RBM27: variants seen among roughly 807,000 people sequenced by gnomAD.
RBM27 encodes the protein RNA-binding protein 27.
RBM27 carries 22 observed loss-of-function variants against 135.3 expected under a neutral mutation model. That is an observed-to-expected ratio of 0.16 (90% CI 0.12 to 0.23). The LOEUF (loss-of-function observed/expected upper bound fraction) is 0.23, where lower values mean the gene tolerates loss of function less well. Ranked by LOEUF, RBM27 falls within the 10% of genes least tolerant of loss-of-function variation. The pLI is 1.00. For missense variants in RBM27, 1,009 were observed against 1,281.0 expected, an observed-to-expected ratio of 0.79 and a Z score of 3.24; for synonymous variants, 481 against 442.4, an observed-to-expected ratio of 1.09 and a Z score of -1.10.
chr5:146,248,281 C>G (rs1203426269), intron 8 of RBM27, among the ~76,000 whole-genome samples: 1 of 144,088 alleles, frequency 6.9e-6, no homozygotes, highest in Non-Finnish European at 1.5e-5. Context: ...TTTGATAACT[C>G]TCTTGCTTCT....
At chr5:146,253,078 A>G (rs1376334029) in intron 9 of RBM27, among the ~76,000 whole-genome samples, 2 of 152,006 alleles carry the variant, frequency 1.3e-5, no homozygotes, top group East Asian at 3.9e-4. Context: ...GCTCACTGCA[A>G]CCTCCACCTC....
chr5:146,271,466 TTTTTG>T lies in RBM27; in HGVS notation c.2797-14_2797-10del. The T allele has an allele frequency of 6.3e-7, 1 of 1,589,546 alleles. No homozygotes were observed. Among genetic ancestry groups the T allele is most frequent in the Non-Finnish European group, 8.6e-7 (1 of 1,161,186 alleles). ...TCTAATAATGTATGCTACATTCTAC[TTTTTG>T]TTGTTATTCAGGCTGCACGGTTAGG... On this transcript the variant is annotated splice_polypyrimidine_tract_variant and intron_variant, in intron 18 of 20. Transcript: ENST00000265271.
At chr5:146,282,000 CTTTTTT>C (rs777368235) in intron 19 of RBM27, among the ~76,000 whole-genome samples, 1 of 101,502 alleles carries the variant, frequency 9.9e-6, no homozygotes, top group Non-Finnish European at 1.9e-5. Context: ...TATTTTTCAT[CTTTTTT>C]TTTTTTTTTT....
rs1581164935 is a variant in RBM27, at chr5:146,229,961, T to G, written c.589+51T>G. 1.9e-6 allele frequency: 3 copies of G among 1,593,120 alleles called. No homozygotes were observed. In the East Asian group the frequency reaches 6.7e-5, roughly 36 times the overall value. On this transcript the variant is annotated intron_variant, in intron 5 of 20. Coordinates refer to ENST00000265271, the MANE Select transcript of RBM27 (RefSeq NM_018989.2). ...AACTCTGTAGTTATTTATCTGTCTC[T>G]ATCACAGGGGTGCAAGAAATTCTCT...
At chr5:146,285,312 A>G (rs143535272) in intron 20 of RBM27, among the ~76,000 whole-genome samples, 359 of 152,268 alleles carry the variant, frequency 2.4e-3, no homozygotes, top group Non-Finnish European at 3.4e-3. Context: ...TTCCTGATTT[A>G]TATGACAATC....
chr5:146,216,844 G>C (rs1756215722), intron 1 of RBM27, among the ~76,000 whole-genome samples: 1 of 152,036 alleles, frequency 6.6e-6, no homozygotes. Flanking sequence ...TATTTGTAGA[G>C]ACCGGATCTC....
chr5:146,213,484 A>G (rs915399797), intron 1 of RBM27, among the ~76,000 whole-genome samples: 1 of 152,066 alleles, frequency 6.6e-6, no homozygotes, highest in Admixed American at 6.6e-5. Flanking sequence ...AAGCACATGT[A>G]TTAGTTGTTT....
At chr5:146,220,613 GAGA>G (rs1383551361) in intron 2 of RBM27, among the ~76,000 whole-genome samples, 1 of 151,934 alleles carries the variant, frequency 6.6e-6, no homozygotes. Flanking sequence ...AGTATTTACT[GAGA>G]AGGAGAAAAG....
chr5:146,251,623 T>C, intron 8 of RBM27, 88 bp from the exon 9 acceptor site: 1 of 1,288,754 alleles, frequency 7.8e-7, no homozygotes, highest in Non-Finnish European at 1.1e-6. Flanking sequence ...TTCTCTGTTT[T>C]TGGCTCAAAG....
rs533056641 is a variant in RBM27, at chr5:146,259,594, G to A, written c.1739+1001G>A. 7.8e-4 allele frequency among the ~76,000 whole-genome samples: 118 copies of A among 151,318 alleles called. 1 individual carries two copies. Among genetic ancestry groups the A allele is most frequent in the Admixed American group, 1.9e-3 (29 of 15,210 alleles). On this transcript the variant is annotated intron_variant, in intron 11 of 20. Transcript: ENST00000265271. ...ATAATTGTGGTAGATCTTTATGGTA[G>A]ATCTATTTAGCATATGATTTTAAGT...
At chr5:146,257,347 T>C (rs1758147480) in intron 10 of RBM27, among the ~76,000 whole-genome samples, 1 of 152,246 alleles carries the variant, frequency 6.6e-6, no homozygotes, top group Non-Finnish European at 1.5e-5. Context: ...TTATTTATTG[T>C]AAGGACAGAT....
Position 146,233,573 on chromosome 5 carries a change from C to T in RBM27, c.974C>T (p.Pro325Leu). 6.2e-7 allele frequency: 1 copy of T among 1,613,300 alleles called. No individual in the cohort carries two copies. Among genetic ancestry groups the T allele is most frequent in the Non-Finnish European group, 8.5e-7 (1 of 1,179,634 alleles). The change falls in exon 7 of 21, where the codon CCT becomes CTT. Residue 325 changes from proline (P) to leucine (L), a missense_variant. By Grantham distance (98) the Pro-to-Leu change is moderately conservative. This residue lies in a region of RBM27 where 329 missense variants were observed against 368.1 expected (regional missense o/e 0.89). Transcript: ENST00000265271. ...CCACCCCCTCCTCCTGGGCTTCCTC[C>T]TCCACCACCTCCTGGAATGTTAATG... Reference protein sequence around the residue: ...PFPPPPPGLPPPPPPGMLMPP... With the variant: ...PFPPPPPGLPLPPPPGMLMPP...
intron 6 of RBM27, among the ~76,000 whole-genome samples, chr5:146,232,840 T>A (rs1455175527): frequency 1.3e-5 from 2 of 152,234 alleles, no homozygotes; most frequent in Non-Finnish European, 2.9e-5. Context: ...GTGCTGATAT[T>A]ACAGGCGTGA....
chr5:146,245,284 T>C (rs1252174396), intron 8 of RBM27: 1 of 152,136 alleles, frequency 6.6e-6, no homozygotes, highest in East Asian at 1.9e-4. Context: ...ACCAACTCAG[T>C]ATATACTTTT....
chr5:146,225,574 T>G (rs1267803334), intron 3 of RBM27, among the ~76,000 whole-genome samples: 2 of 151,318 alleles, frequency 1.3e-5, no homozygotes, highest in South Asian at 2.1e-4. Context: ...TCTGTTTTTT[T>G]TTTTTTTTTT....
rs1021861892 is a variant in RBM27, at chr5:146,287,357, C to T, written c.*1327C>T. On this transcript the variant is annotated 3_prime_UTR_variant, in exon 21 of 21. Transcript: ENST00000265271. ...AAATATATATGTAAATTTATGTCTT[C>T]GTGTTCTGAATGTTAGATGGAAAAG... is the stretch of plus-strand genomic sequence containing the variant. 1 of 152,006 alleles carries T rather than the reference C, an allele frequency of 6.6e-6. No individual in the cohort carries two copies. The highest frequency in any genetic ancestry group is 1.5e-5 in the Non-Finnish European group (1 of 68,016). The allele number at this position is 152,006 out of a possible 1,614,324, so 9.4% of individuals were successfully genotyped here.
At chr5:146,236,164 C>T (rs1308585733) in intron 7 of RBM27, among the ~76,000 whole-genome samples, 1 of 152,162 alleles carries the variant, frequency 6.6e-6, no homozygotes, top group Non-Finnish European at 1.5e-5. Flanking sequence ...TACCATTTCT[C>T]CCGACATTTT....
Position 146,260,852 on chromosome 5 carries a change from A to G in RBM27, c.1847A>G (p.Lys616Arg). Residue 616 changes from lysine (K) to arginine (R), a missense_variant, in exon 12 of 21, where the codon AAG becomes AGG. Physicochemically the swap from Lys to Arg is conservative, Grantham distance 26. Coordinates refer to ENST00000265271, the MANE Select transcript of RBM27 (RefSeq NM_018989.2). ...CCTCAGGAATTGAACAACATTACCA[A>G]GCTCAATGAACACTTCAGCAAATTT... ...KIPQELNNITKLNEHFSKFGT... is the reference protein window; with the variant it reads ...KIPQELNNITRLNEHFSKFGT... 1 of 1,613,780 alleles carries G rather than the reference A, an allele frequency of 6.2e-7. No individual in the cohort carries two copies. The highest frequency in any genetic ancestry group is 2.2e-5 in the East Asian group (1 of 44,836).
At chr5:146,257,847 A>T (rs1259454920) in intron 10 of RBM27, among the ~76,000 whole-genome samples, 1 of 146,426 alleles carries the variant, frequency 6.8e-6, no homozygotes, top group East Asian at 2.0e-4. Flanking sequence ...ACCGAATTTC[A>T]CTCTTGTTGC....
Sources: allele counts gnomAD v4.1 joint callset (sites outside exome capture counted in the v4.1 genomes callset), GRCh38; gene constraint gnomAD v4.1.1; regional missense constraint gnomAD v4.1.1; transcripts MANE v1.5; gene names NCBI Gene and HGNC (gene_info 2026-07-23, HGNC 2026-07-21).